BICRA: variants seen among roughly 807,000 people sequenced by gnomAD.
BICRA encodes BRD4 interacting chromatin remodeling complex associated protein.
BICRA carries 31 observed loss-of-function variants against 96.9 expected under a neutral mutation model. The ratio of observed to expected loss-of-function variants is 0.32; its 90% CI spans 0.24 to 0.43. The LOEUF is 0.43. Ranked by LOEUF, BICRA falls within the 20% of genes least tolerant of loss-of-function variation. BICRA has a pLI of 1.00. For missense variants in BICRA, 2,283 were observed against 2,190.3 expected (o/e 1.04, Z -0.84); for synonymous variants, 1,350 against 1,071.8 (o/e 1.26, Z -5.07).
At position 47,680,713 on chromosome 19, in the gene BICRA, C is replaced by T; in HGVS notation, c.1543C>T (p.Leu515Phe). ...TGGQLIANPI[L>F]TNQNLAGPLS... ...TGGACAGCTCATCGCGAACCCCATC[C>T]TCACAAACCAGAACCTGGCGGGCCC... The change falls in exon 6 of 15, where the codon CTC (leucine) becomes TTC (phenylalanine). Residue 515 changes from leucine (L) to phenylalanine (F), a missense_variant. Leu to Phe is a conservative substitution (Grantham distance 22). Coordinates refer to ENST00000594866, the MANE Select transcript of BICRA (RefSeq NM_001394372.1). The T allele has an allele frequency of 6.2e-7, 1 of 1,602,098 alleles. No individual in the cohort carries two copies. Among genetic ancestry groups the T allele is most frequent in the Non-Finnish European group, 8.5e-7 (1 of 1,175,222 alleles).
At chr19:47,684,475 G>T (rs1973115247) in intron 7 of BICRA, among the ~76,000 whole-genome samples, 1 of 152,124 alleles carries the variant, frequency 6.6e-6, no homozygotes, top group African/African-American at 2.4e-5. Context: ...CCGCCACCAT[G>T]CCTGGCTAAT....
intron 1 of BICRA, among the ~76,000 whole-genome samples, chr19:47,641,335 G>T (rs908988192): frequency 1.3e-5 from 2 of 151,934 alleles, no homozygotes; most frequent in African/African-American, 2.4e-5. Flanking sequence ...CCATCATCAC[G>T]ATCAGGATAC....
At chr19:47,682,808 G>GT (rs1238999014) in intron 7 of BICRA, among the ~76,000 whole-genome samples, 1 of 151,954 alleles carries the variant, frequency 6.6e-6, no homozygotes, top group East Asian at 1.9e-4. Flanking sequence ...CGTAGCTGGA[G>GT]TTACAGGTGC....
intron 5 of BICRA, among the ~76,000 whole-genome samples, chr19:47,678,579 T>C (rs957051666): frequency 1.3e-5 from 2 of 152,040 alleles, no homozygotes; most frequent in African/African-American, 4.8e-5. Flanking sequence ...TTCCTGAGGG[T>C]GCCCCGCTGG....
In BICRA at chr19:47,679,842, T is replaced by G; in HGVS notation, c.672T>G (p.Gly224=). 6.7e-7 allele frequency: 1 copy of G among 1,489,360 alleles called. No homozygotes were observed. Among genetic ancestry groups the G allele is most frequent in the Non-Finnish European group, 8.9e-7 (1 of 1,125,380 alleles). The allele number at this position is 1,489,360 out of a possible 1,614,324, so 92.3% of individuals were successfully genotyped here. Residue 224 remains glycine (G), a synonymous_variant, in exon 6 of 15, where the codon GGT becomes GGG. Transcript: ENST00000594866. ...LQGLPNGSPG[G]ATAATLGLAP... ...GCCTGCCCAATGGCAGCCCTGGGGG[T>G]GCCACGGCGGCCACACTGGGCCTGG...
At chr19:47,653,598 T>C (rs944585051) in intron 1 of BICRA, among the ~76,000 whole-genome samples, 3 of 152,184 alleles carry the variant, frequency 2.0e-5, no homozygotes, top group Non-Finnish European at 4.4e-5. Context: ...TTTGCATAAA[T>C]GGAATCATGG....
intron 1 of BICRA, among the ~76,000 whole-genome samples, chr19:47,626,699 C>T (rs1342873520): frequency 6.8e-5 from 10 of 146,380 alleles, no homozygotes; most frequent in Non-Finnish European, 1.0e-4. Context: ...TGAGCTACCA[C>T]GTCCAGCTGC....
rs1488906751 is a variant in BICRA, at chr19:47,701,868, C to G, written c.4136C>G (p.Ala1379Gly). The G allele has an allele frequency of 2.7e-6, 4 of 1,479,970 alleles. No homozygotes were observed. The highest frequency in any genetic ancestry group is 2.9e-5 in the African/African-American group (2 of 67,840). The allele number at this position is 1,479,970 out of a possible 1,614,324, so 91.7% of individuals were successfully genotyped here. Residue 1379 changes from alanine (A) to glycine (G), a missense_variant, in exon 15 of 15, where the codon GCC (alanine) becomes GGC (glycine). Transcript: ENST00000594866. The surrounding 1 kb of genome is among the most constrained non-coding windows in gnomAD (Gnocchi z 5.4). ...AAPERKPLGT[A>G]PHCPRLPLRK... is the part of the protein sequence containing the mutation. The stretch of plus-strand genomic sequence containing the variant: ...CCCGAGCGCAAGCCCCTGGGCACCG[C>G]CCCGCACTGCCCGCGCCTGCCACTG...
intron 5 of BICRA, among the ~76,000 whole-genome samples, chr19:47,678,056 C>T (rs537997855): frequency 2.0e-5 from 3 of 152,304 alleles, no homozygotes; most frequent in East Asian, 1.9e-4. Flanking sequence ...TTTGTAATTA[C>T]AGATAAGTGT....
At chr19:47,660,378 C>T (rs1304897105) in intron 1 of BICRA, among the ~76,000 whole-genome samples, 2 of 152,202 alleles carry the variant, frequency 1.3e-5, no homozygotes, top group East Asian at 3.9e-4. Flanking sequence ...ACAGTCTCAT[C>T]TCAACATTGT....
At chr19:47,621,308 G>A (rs1010124060) in intron 1 of BICRA, among the ~76,000 whole-genome samples, 3 of 152,066 alleles carry the variant, frequency 2.0e-5, no homozygotes, top group East Asian at 1.9e-4. Flanking sequence ...CAGTTTGCCC[G>A]CTGTCTCAAG....
At chr19:47,648,049 C>CTGAT (rs1972486638) in intron 1 of BICRA, among the ~76,000 whole-genome samples, 1 of 151,994 alleles carries the variant, frequency 6.6e-6, no homozygotes, top group Admixed American at 6.6e-5. Context: ...GGGGAGGGTG[C>CTGAT]ATCAGTCTTT....
intron 1 of BICRA, among the ~76,000 whole-genome samples, chr19:47,638,314 CGGGAA>C (rs1972331146): frequency 1.3e-5 from 2 of 152,142 alleles, no homozygotes; most frequent in African/African-American, 2.4e-5. Context: ...CTTCAGCTCC[CGGGAA>C]GGCATAGGGA....
chr19:47,635,462 AG>A (rs1392996289), intron 1 of BICRA, among the ~76,000 whole-genome samples: 2 of 151,586 alleles, frequency 1.3e-5, no homozygotes, highest in East Asian at 3.9e-4. Context: ...TATGTTGCCC[AG>A]GCTGGTCTTG....
intron 11 of BICRA, among the ~76,000 whole-genome samples, chr19:47,696,881 G>C (rs1973352576): frequency 6.6e-6 from 1 of 152,000 alleles, no homozygotes; most frequent in Non-Finnish European, 1.5e-5. Context: ...CATGGCTGTT[G>C]GGAGGATGAT....
intron 1 of BICRA, among the ~76,000 whole-genome samples, chr19:47,655,550 T>C (rs1445755840): frequency 4.0e-5 from 5 of 124,268 alleles, no homozygotes; most frequent in Non-Finnish European, 8.3e-5. Flanking sequence ...AAAAAAAAAT[T>C]AGTAAAATGT....
intron 1 of BICRA, among the ~76,000 whole-genome samples, chr19:47,645,097 T>C (rs1297434753): frequency 6.6e-6 from 1 of 152,218 alleles, no homozygotes. Flanking sequence ...ATTCTGGCTC[T>C]GTCAGTTCTA....
At position 47,698,586 on chromosome 19, in the gene BICRA, T is replaced by TCCCCCCCC; in HGVS notation, c.3249-41_3249-40insCCCCCCCC. ...AGGGACTTCCCCTGGCCCTCACCCGTCCCCCCCACCCTCCGCCGTGTGTGG... is the reference window on the plus strand; with the variant it reads ...AGGGACTTCCCCTGGCCCTCACCCGTCCCCCCCCCCCCCCCACCCTCCGCCGTGTGTGG... On this transcript the variant is annotated intron_variant, in intron 11 of 14. Coordinates refer to ENST00000594866, the MANE Select transcript of BICRA (RefSeq NM_001394372.1). This position sits in a 1 kb window ranked among gnomAD's most constrained non-coding sequence, Gnocchi z 4.8. 1.4e-6 allele frequency: 1 copy of TCCCCCCCC among 716,702 alleles called. No homozygotes were observed. Among genetic ancestry groups the TCCCCCCCC allele is most frequent in the Non-Finnish European group, 2.5e-6 (1 of 392,840 alleles). The allele number at this position is 716,702 out of a possible 1,614,324, so 44.4% of individuals were successfully genotyped here.
Position 47,680,929 on chromosome 19 carries a change from A to G in BICRA, c.1759A>G (p.Thr587Ala). 1.4e-6 allele frequency: 2 copies of G among 1,474,194 alleles called. No individual in the cohort carries two copies. Among genetic ancestry groups the G allele is most frequent in the Non-Finnish European group, 1.8e-6 (2 of 1,124,976 alleles). The allele number at this position is 1,474,194 out of a possible 1,614,324, so 91.3% of individuals were successfully genotyped here. The change falls in exon 6 of 15, where the codon ACC becomes GCC. Residue 587 changes from threonine to alanine, a missense_variant. Coordinates refer to ENST00000594866, the MANE Select transcript of BICRA (RefSeq NM_001394372.1). Reference sequence around the variant, plus strand: ...CGCCACCACTGTCCTCCAGGGGGTCACCCTGCCCCCCAGCGCCGTGGCCAT... The same window carrying G: ...CGCCACCACTGTCCTCCAGGGGGTCGCCCTGCCCCCCAGCGCCGTGGCCAT... The part of the protein sequence containing the change: ...PAATTVLQGV[T>A]LPPSAVAMLN...
Sources: allele counts gnomAD v4.1 joint callset (sites outside exome capture counted in the v4.1 genomes callset), GRCh38; gene constraint gnomAD v4.1.1; non-coding constraint Gnocchi (gnomAD v3.1); transcripts MANE v1.5; gene names NCBI Gene and HGNC (gene_info 2026-07-23, HGNC 2026-07-21).